HADHB: variants seen among roughly 807,000 people sequenced by gnomAD.
The protein encoded by HADHB is trifunctional enzyme subunit beta, mitochondrial.
In HADHB, 50 loss-of-function variants were observed where a neutral mutation model predicts 61.9. The observed-to-expected ratio is 0.81, with a 90% CI of 0.64 to 1.02. The LOEUF is 1.02. Ranked by LOEUF, HADHB falls within the 50% of genes least tolerant of loss-of-function variation. The probability of loss-of-function intolerance (pLI) is 0.00; values close to 1 mark genes in which losing one functional copy is unlikely to be tolerated. For missense variants in HADHB, 504 were observed against 586.5 expected, an observed-to-expected ratio of 0.86 and a Z score of 1.45; for synonymous variants, 191 against 201.6, an observed-to-expected ratio of 0.95 and a Z score of 0.45.
chr2:26,279,789 G>A (rs1415703959), intron 9 of HADHB, among the ~76,000 whole-genome samples: 3 of 152,054 alleles, frequency 2.0e-5, no homozygotes, highest in Non-Finnish European at 4.4e-5. Flanking sequence ...CCTATTTTTA[G>A]TAAAGCATTT....
At chr2:26,256,279 G>A (rs1363449565) in intron 3 of HADHB, among the ~76,000 whole-genome samples, 1 of 152,136 alleles carries the variant, frequency 6.6e-6, no homozygotes, top group East Asian at 1.9e-4. Context: ...GTTTTAGGTT[G>A]CAGTAATTTT....
intron 10 of HADHB, among the ~76,000 whole-genome samples, chr2:26,282,083 A>G (rs555319040): frequency 3.6e-4 from 55 of 152,146 alleles, no homozygotes; most frequent in African/African-American, 1.3e-3. Context: ...TACAGAATAT[A>G]TAAGTAGAAT....
At chr2:26,264,522 C>G (rs1361054160) in intron 4 of HADHB, among the ~76,000 whole-genome samples, 1 of 143,722 alleles carries the variant, frequency 7.0e-6, no homozygotes, top group Non-Finnish European at 1.5e-5. Context: ...TACCTATACT[C>G]CAGCCTGGGT....
intron 5 of HADHB, among the ~76,000 whole-genome samples, chr2:26,273,438 A>G (rs542065626): frequency 2.6e-5 from 4 of 152,246 alleles, no homozygotes; most frequent in African/African-American, 9.6e-5. Flanking sequence ...CTCATTACCA[A>G]TTCAGCATCA....
intron 1 of HADHB, among the ~76,000 whole-genome samples, chr2:26,248,089 T>C (rs974327517): frequency 3.3e-5 from 5 of 152,232 alleles, no homozygotes; most frequent in African/African-American, 1.2e-4. Context: ...GTTGTTGTAG[T>C]AGGGTTTACT....
chr2:26,266,344 A>G (rs566471658), intron 4 of HADHB, among the ~76,000 whole-genome samples: 31 of 152,276 alleles, frequency 2.0e-4, no homozygotes, highest in Non-Finnish European at 3.5e-4. Context: ...TACATTATTG[A>G]TGTTAGGATT....
chr2:26,261,782 A>G (rs903978961), intron 3 of HADHB, among the ~76,000 whole-genome samples: 1 of 152,180 alleles, frequency 6.6e-6, no homozygotes. Flanking sequence ...CTCAAAAAAA[A>G]AAAATTAAGT....
At chr2:26,266,936 A>G (rs1046785116) in intron 4 of HADHB, among the ~76,000 whole-genome samples, 6 of 149,910 alleles carry the variant, frequency 4.0e-5, no homozygotes, top group East Asian at 3.9e-4. Flanking sequence ...GGCATTTTCA[A>G]ATTGACACAT....
chr2:26,285,797 G>A (rs1297245178), intron 15 of HADHB, among the ~76,000 whole-genome samples: 4 of 120,776 alleles, frequency 3.3e-5, no homozygotes, highest in African/African-American at 1.3e-4. Flanking sequence ...GAATGCAGTG[G>A]TAATATCTTA....
intron 8 of HADHB, 134 bp from the exon 9 acceptor site, chr2:26,279,001 C>T (rs1672673143): frequency 1.1e-6 from 1 of 919,336 alleles, no homozygotes; most frequent in South Asian, 1.3e-5. Context: ...TAGAGATCCT[C>T]TGCTTGTCTT....
At chr2:26,280,712 T>C (rs1004375443) in intron 10 of HADHB, among the ~76,000 whole-genome samples, 2 of 151,824 alleles carry the variant, frequency 1.3e-5, no homozygotes, top group African/African-American at 4.8e-5. Context: ...ATTAGCCAGA[T>C]GTGGTGGCAC....
chr2:26,253,443 C>G (rs539643696), intron 1 of HADHB, among the ~76,000 whole-genome samples: 1 of 152,242 alleles, frequency 6.6e-6, no homozygotes, highest in East Asian at 1.9e-4. Flanking sequence ...ATAGTACAGC[C>G]TTCAGAATCG....
At chr2:26,258,145 G>A (rs1050926942) in intron 3 of HADHB, among the ~76,000 whole-genome samples, 5 of 152,204 alleles carry the variant, frequency 3.3e-5, no homozygotes, top group Non-Finnish European at 7.3e-5. Flanking sequence ...CGAAACGGAG[G>A]CTGTGCTAGC....
chr2:26,288,184 G>T (rs1157634441), intron 15 of HADHB, among the ~76,000 whole-genome samples: 1 of 152,108 alleles, frequency 6.6e-6, no homozygotes, highest in Non-Finnish European at 1.5e-5. Context: ...AGGATTGCTT[G>T]AGCCCGGGAT....
At chr2:26,257,231 C>T (rs1326784084) in intron 3 of HADHB, among the ~76,000 whole-genome samples, 1 of 151,826 alleles carries the variant, frequency 6.6e-6, no homozygotes, top group East Asian at 1.9e-4. Flanking sequence ...TGCCATTCTC[C>T]TGCCTCAGCC....
At chr2:26,270,099 C>G (rs1235773339) in intron 5 of HADHB, 102 bp downstream of exon 5, 2 of 832,534 alleles carry the variant, frequency 2.4e-6, no homozygotes, top group Non-Finnish European at 4.2e-6. Context: ...GCCATCTGTA[C>G]TATACAAATT....
chr2:26,268,885 G>A (rs1672211265), intron 4 of HADHB, among the ~76,000 whole-genome samples: 1 of 152,044 alleles, frequency 6.6e-6, no homozygotes, highest in Non-Finnish European at 1.5e-5. Flanking sequence ...GGTGACTCAC[G>A]TCTGTAATCC....
chr2:26,281,641 A>G (rs1488279240), intron 10 of HADHB, among the ~76,000 whole-genome samples: 1 of 152,198 alleles, frequency 6.6e-6, no homozygotes, highest in Non-Finnish European at 1.5e-5. Flanking sequence ...ATCACAATAC[A>G]TGGATTTTGG....
At position 26,290,095 on chromosome 2, in the gene HADHB, A is replaced by C; in HGVS notation, c.*142A>C. ...TGTGGCCTTCTATTAAATAGTTTGC[A>C]CTTAAGCCTTGCCAGTGTTCTGAGC... On this transcript the variant is annotated 3_prime_UTR_variant, in exon 16 of 16. Coordinates refer to ENST00000317799, the MANE Select transcript of HADHB (RefSeq NM_000183.3). The C allele has an allele frequency of 1.3e-6, 1 of 745,122 alleles. No homozygotes were observed. Among genetic ancestry groups the C allele is most frequent in the Non-Finnish European group, 2.5e-6 (1 of 407,918 alleles). The allele number at this position is 745,122 out of a possible 1,614,324, so 46.2% of individuals were successfully genotyped here. A position where few individuals can be genotyped will look rare whatever the true frequency, so the allele number is the denominator to read the frequency against.
Sources: gnomAD v4.1 joint callset for allele counts (sites outside exome capture counted in the v4.1 genomes callset) on GRCh38, gnomAD v4.1.1 for gene constraint, MANE v1.5 for transcripts, NCBI Gene and HGNC (gene_info 2026-07-23, HGNC 2026-07-21) for gene names.